The following ICA1L variants were observed in gnomAD, a reference collection of about 807,000 sequenced individuals.
The protein encoded by ICA1L is islet cell autoantigen 1 like.
Under a neutral mutation model 61.3 loss-of-function variants are expected in ICA1L, and 50 were observed. That is an observed-to-expected ratio of 0.82 (90% CI 0.65 to 1.03). The LOEUF (loss-of-function observed/expected upper bound fraction) is 1.03. Ranked by LOEUF, ICA1L falls within the 50% of genes least tolerant of loss-of-function variation. ICA1L has a pLI of 0.00. For missense variants in ICA1L, 508 were observed against 556.7 expected, an observed-to-expected ratio of 0.91 and a Z score of 0.88; for synonymous variants, 161 against 191.3, an observed-to-expected ratio of 0.84 and a Z score of 1.31.
intron 1 of ICA1L, among the ~76,000 whole-genome samples, chr2:202,846,913 G>A (rs1392787726): frequency 6.6e-6 from 1 of 152,158 alleles, no homozygotes; most frequent in African/African-American, 2.4e-5. Flanking sequence ...AAGGGAGCTG[G>A]TCTCCCCCTC....
Position 202,819,036 on chromosome 2 carries a change from C to T in ICA1L, c.558+665G>A, listed in dbSNP as rs567093102. ...ATACGAGGTAGTTGTGGCCTGAGGC[C>T]ATGTATTCACCTACTTCATAGGGCT... On this transcript the variant is annotated intron_variant, in intron 5 of 12. Coordinates refer to ENST00000358299, the MANE Select transcript of ICA1L (RefSeq NM_001288622.3). Among the ~76,000 whole-genome samples the T allele has an allele frequency of 2.6e-5, 4 of 152,280 alleles. No individual in the cohort carries two copies. The South Asian group carries it at 8.3e-4, about 32-fold the overall frequency.
intron 1 of ICA1L, chr2:202,840,327 C>A: frequency 2.1e-6 from 1 of 474,418 alleles, no homozygotes; most frequent in Non-Finnish European, 4.1e-6. Flanking sequence ...GCTGCTGCAG[C>A]TGTTCACTTG....
chr2:202,861,180 T>C (rs967665969), intron 1 of ICA1L, among the ~76,000 whole-genome samples: 2 of 151,862 alleles, frequency 1.3e-5, no homozygotes, highest in African/African-American at 4.8e-5. Flanking sequence ...TGAGCTGAGA[T>C]TGTGCCATTG....
chr2:202,806,480 C>CA (rs1159368178), intron 9 of ICA1L, among the ~76,000 whole-genome samples: 8 of 150,926 alleles, frequency 5.3e-5, no homozygotes, highest in East Asian at 3.9e-4. Flanking sequence ...ACCCAGTCTC[C>CA]AAAAAAAATA....
At chr2:202,863,266 T>G (rs1260592112) in intron 1 of ICA1L, among the ~76,000 whole-genome samples, 1 of 151,892 alleles carries the variant, frequency 6.6e-6, no homozygotes, top group Non-Finnish European at 1.5e-5. Context: ...CACTCCAGCC[T>G]AGGTGACAAA....
chr2:202,841,214 C>T, intron 1 of ICA1L: 2 of 701,612 alleles, frequency 2.9e-6, no homozygotes, highest in South Asian at 1.5e-5. Context: ...ATTCATTCTC[C>T]ATCTCTGTAC....
chr2:202,782,553 C>T (rs11675462), intron 12 of ICA1L, among the ~76,000 whole-genome samples: 110,500 of 151,358 alleles, frequency 0.73, 40,593 homozygotes, highest in South Asian at 0.83. Context: ...GGACTACAGG[C>T]GTGTGCCATC....
At chr2:202,807,226 G>C (rs1693252156) in intron 9 of ICA1L, among the ~76,000 whole-genome samples, 1 of 152,216 alleles carries the variant, frequency 6.6e-6, no homozygotes, top group Non-Finnish European at 1.5e-5. Flanking sequence ...AGATAGGAAA[G>C]ACAGTCTTGA....
At chr2:202,831,794 T>C (rs1484832885) in intron 1 of ICA1L, among the ~76,000 whole-genome samples, 1 of 152,210 alleles carries the variant, frequency 6.6e-6, no homozygotes, top group South Asian at 2.1e-4. Flanking sequence ...TGCACATTTG[T>C]GGTTTTTATG....
chr2:202,801,757 G>A (rs187010483), intron 9 of ICA1L, among the ~76,000 whole-genome samples: 21 of 152,310 alleles, frequency 1.4e-4, no homozygotes, highest in Middle Eastern at 3.4e-3. Context: ...GTGCTGACAC[G>A]GCCAGACAAG....
At position 202,816,025 on chromosome 2, in the gene ICA1L, A is replaced by C. The variant is rs1358315478; in HGVS notation, c.685-16T>G. Reference sequence around the variant, plus strand: ...GCAGTGTTCTCTGCAAAAAAAGAAAAGGTGACACTACAGTTCTGCTTCCCC... The same window carrying C: ...GCAGTGTTCTCTGCAAAAAAAGAAACGGTGACACTACAGTTCTGCTTCCCC... On this transcript the variant is annotated splice_polypyrimidine_tract_variant and intron_variant, in intron 6 of 12. Coordinates refer to ENST00000358299, the MANE Select transcript of ICA1L (RefSeq NM_001288622.3). 9.9e-6 allele frequency: 15 copies of C among 1,517,298 alleles called. No homozygotes were observed. The highest frequency in any genetic ancestry group is 1.3e-5 in the Non-Finnish European group (14 of 1,111,288). 94.0% of individuals were successfully genotyped at this position (1,517,298 alleles called of 1,614,324 possible). A position where few individuals can be genotyped will look rare whatever the true frequency, so the allele number is the denominator to read the frequency against.
At chr2:202,813,835 G>A (rs1268343512) in intron 8 of ICA1L, among the ~76,000 whole-genome samples, 2 of 152,172 alleles carry the variant, frequency 1.3e-5, no homozygotes, top group African/African-American at 4.8e-5. Context: ...GTATTTTCAG[G>A]TAACCAGTCC....
At chr2:202,839,722 C>T (rs1467228890) in intron 1 of ICA1L, among the ~76,000 whole-genome samples, 1 of 151,714 alleles carries the variant, frequency 6.6e-6, no homozygotes, top group Non-Finnish European at 1.5e-5. Context: ...CTTAGTACTA[C>T]CATTTTGTTC....
At chr2:202,840,546 T>G in intron 1 of ICA1L, 1 of 550,786 alleles carries the variant, frequency 1.8e-6, no homozygotes, top group Non-Finnish European at 3.6e-6. Context: ...GTGGTCTTCA[T>G]ATGGATATTC....
At chr2:202,833,886 G>C (rs1694077834) in intron 1 of ICA1L, among the ~76,000 whole-genome samples, 1 of 152,178 alleles carries the variant, frequency 6.6e-6, no homozygotes, top group Non-Finnish European at 1.5e-5. Flanking sequence ...AATAGACGTA[G>C]AGAGTAGAAT....
At position 202,776,705 on chromosome 2, in the gene ICA1L, T is replaced by TGGAAGTTAGAACTGGACTTGCTAA. The variant is rs1692233935; in HGVS notation, c.*2804_*2827dup. 2.0e-5 allele frequency: 3 copies of TGGAAGTTAGAACTGGACTTGCTAA among 152,246 alleles called. No homozygotes were observed. The highest frequency in any genetic ancestry group is 4.8e-5 in the African/African-American group (2 of 41,462). 9.4% of individuals were successfully genotyped at this position (152,246 alleles called of 1,614,324 possible). A position where few individuals can be genotyped will look rare whatever the true frequency, so the allele number is the denominator to read the frequency against. On this transcript the variant is annotated 3_prime_UTR_variant, in exon 13 of 13. Transcript: ENST00000358299. ...CTTCAAAAACAGTGGTTGGACTTGT[T>TGGAAGTTAGAACTGGACTTGCTAA]GGAAGTTAGAACTGGACTTGCTAAG... is the stretch of plus-strand genomic sequence containing the variant.
chr2:202,847,424 G>A (rs750260093), intron 1 of ICA1L, among the ~76,000 whole-genome samples: 4 of 152,014 alleles, frequency 2.6e-5, no homozygotes, highest in Admixed American at 6.6e-5. Flanking sequence ...ATAAAAAATT[G>A]TTTCAAGCTT....
chr2:202,814,851 T>G, intron 7 of ICA1L, 67 bp from the exon 8 acceptor site: 2 of 1,063,656 alleles, frequency 1.9e-6, no homozygotes, highest in Non-Finnish European at 2.8e-6. Flanking sequence ...GCAAAGAAAA[T>G]GAGAATATAA....
chr2:202,825,794 A>T (rs1693828110), intron 2 of ICA1L, 27 bp from the exon 3 acceptor site: 12 of 1,420,710 alleles, frequency 8.4e-6, no homozygotes, highest in Non-Finnish European at 7.7e-6. Flanking sequence ...TATTAGGACA[A>T]TTTAAAGAAC....
Sources: gnomAD v4.1 joint callset for allele counts (sites outside exome capture counted in the v4.1 genomes callset) on GRCh38, gnomAD v4.1.1 for gene constraint, MANE v1.5 for transcripts, NCBI Gene and HGNC (gene_info 2026-07-23, HGNC 2026-07-21) for gene names.